Variants in MET observed in about 807,000 individuals in gnomAD.
MET encodes the protein hepatocyte growth factor receptor.
Under a neutral mutation model 133.1 loss-of-function variants are expected in MET, and 48 were observed. The observed-to-expected ratio is 0.36, with a 90% confidence interval of 0.29 to 0.46. The LOEUF (loss-of-function observed/expected upper bound fraction) is 0.46, where lower values mean the gene tolerates loss of function less well. Among genes scored for constraint, MET ranks in the 20% least tolerant of loss-of-function variants. The probability of loss-of-function intolerance (pLI) is 1.00; values close to 1 mark genes in which losing one functional copy is unlikely to be tolerated. For missense variants in MET, 1,442 were observed against 1,695.9 expected, an observed-to-expected ratio of 0.85 and a Z score of 2.63; for synonymous variants, 628 against 616.5, an observed-to-expected ratio of 1.02 and a Z score of -0.28.
chr7:116,692,993 A>T (rs755467912), intron 1 of MET, among the ~76,000 whole-genome samples: 2 of 152,232 alleles, frequency 1.3e-5, no homozygotes, highest in Non-Finnish European at 2.9e-5. Flanking sequence ...CCTGATCCAG[A>T]CACATCATGG....
At chr7:116,741,198 C>G in intron 5 of MET, 173 bp downstream of exon 5, 1 of 760,218 alleles carries the variant, frequency 1.3e-6, no homozygotes, top group East Asian at 2.8e-5. Flanking sequence ...CCATCTCTCT[C>G]TTGGCTTTAT....
rs1283841195 is a variant in MET, at chr7:116,789,785, A to G, written c.3799-5870A>G. Among the ~76,000 whole-genome samples the G allele has an allele frequency of 5.3e-5, 8 of 152,222 alleles. No homozygotes were observed. In the East Asian group the frequency reaches 1.3e-3, roughly 26 times the overall value. On this transcript the variant is annotated intron_variant, in intron 19 of 20. Coordinates refer to ENST00000397752, the MANE Select transcript of MET (RefSeq NM_000245.4). ...TCCTTTCTTATTGTGGCAAAAAAAT[A>G]CATAAAATTTACCATCTGAACGATT... is the stretch of plus-strand genomic sequence containing the variant.
chr7:116,759,617 A>T, intron 10 of MET, 127 bp downstream of exon 10: 1 of 1,057,870 alleles, frequency 9.5e-7, no homozygotes, highest in Non-Finnish European at 1.4e-6. Flanking sequence ...CTTGCAGTGT[A>T]GCCAAGTAGT....
intron 5 of MET, among the ~76,000 whole-genome samples, chr7:116,752,925 G>A (rs1239559354): frequency 6.6e-6 from 1 of 152,150 alleles, no homozygotes; most frequent in Non-Finnish European, 1.5e-5. Flanking sequence ...TCAGGCTGAA[G>A]AGAGTCCTGG....
intron 5 of MET, among the ~76,000 whole-genome samples, chr7:116,745,268 G>A (rs375285594): frequency 3.9e-3 from 597 of 151,238 alleles, no homozygotes; most frequent in Non-Finnish European, 6.3e-3. Context: ...CACTGCTCAA[G>A]GAAATAAAAG....
At chr7:116,674,100 A>G (rs1411439592) in intron 1 of MET, among the ~76,000 whole-genome samples, 2 of 152,338 alleles carry the variant, frequency 1.3e-5, no homozygotes, top group South Asian at 2.1e-4. Context: ...TGCTTTTAAC[A>G]TGATGGAATT....
chr7:116,790,134 G>A (rs979957551), intron 19 of MET, among the ~76,000 whole-genome samples: 1 of 152,138 alleles, frequency 6.6e-6, no homozygotes, highest in African/African-American at 2.4e-5. Context: ...ACATGATCTT[G>A]TTCCTTTTTA....
rs2116584031 is a variant in MET at position 116,699,338 on chromosome 7, A to G, written c.254A>G (p.Lys85Arg). 6.2e-7 allele frequency: 1 copy of G among 1,614,098 alleles called. No individual in the cohort carries two copies. Among genetic ancestry groups the G allele is most frequent in the Non-Finnish European group, 8.5e-7 (1 of 1,179,958 alleles). Residue 85 changes from lysine to arginine, a missense_variant, in exon 2 of 21, where the codon AAG (lysine) becomes AGG (arginine). Lys to Arg is a conservative substitution (Grantham distance 26). Coordinates refer to ENST00000397752, the MANE Select transcript of MET (RefSeq NM_000245.4). ...EEDLQKVAEY[K>R]TGPVLEHPDC... ...GACCTTCAGAAGGTTGCTGAGTACA[A>G]GACTGGGCCTGTGCTGGAACACCCA...
intron 1 of MET, among the ~76,000 whole-genome samples, chr7:116,683,510 T>C (rs1350342239): frequency 1.3e-5 from 2 of 152,226 alleles, no homozygotes; most frequent in Non-Finnish European, 2.9e-5. Context: ...CCTGATAGGA[T>C]CTTGAATACA....
At chr7:116,788,578 G>C (rs1346916475) in intron 19 of MET, among the ~76,000 whole-genome samples, 2 of 152,188 alleles carry the variant, frequency 1.3e-5, no homozygotes, top group Non-Finnish European at 2.9e-5. Context: ...CTGCAGATAG[G>C]ATGGTGCTAT....
intron 1 of MET, among the ~76,000 whole-genome samples, chr7:116,682,332 G>C (rs1796391515): frequency 1.3e-5 from 2 of 152,086 alleles, no homozygotes; most frequent in African/African-American, 4.8e-5. Context: ...ATCCCTAAAT[G>C]GGTTTTAATT....
At chr7:116,678,326 A>C (rs1250231374) in intron 1 of MET, among the ~76,000 whole-genome samples, 1 of 152,152 alleles carries the variant, frequency 6.6e-6, no homozygotes, top group African/African-American at 2.4e-5. Context: ...TACAGTATAC[A>C]TATTAAGATC....
At chr7:116,783,277 G>A (rs182437939) in intron 18 of MET, 27 bp from the exon 19 acceptor site, 13 of 1,613,654 alleles carry the variant, frequency 8.1e-6, no homozygotes, top group African/African-American at 4.0e-5. Context: ...TTTCAGCCAC[G>A]GGTAATAATT....
chr7:116,746,874 A>G (rs1356701074), intron 5 of MET, among the ~76,000 whole-genome samples: 3 of 152,150 alleles, frequency 2.0e-5, no homozygotes, highest in Non-Finnish European at 2.9e-5. Context: ...ACATGTATAC[A>G]TATGTAACAA....
rs2117110398 is a variant in MET, at chr7:116,795,889, A to G, written c.3938A>G (p.Tyr1313Cys). ...GCATGTCTTTCTTTTTGGAACAGATATGAAGTAATGCTAAAATGCTGGCAC... is the reference window on the plus strand; with the variant it reads ...GCATGTCTTTCTTTTTGGAACAGATGTGAAGTAATGCTAAAATGCTGGCAC... Reference protein sequence around the residue: ...LQPEYCPDPLYEVMLKCWHPK... With the variant: ...LQPEYCPDPLCEVMLKCWHPK... The change falls in exon 21 of 21, where the codon TAT becomes TGT. Residue 1313 changes from tyrosine to cysteine, a missense_variant and splice_region_variant. Around this residue, in one of 6 missense-constraint regions of MET, gnomAD observed 94 missense variants for 109.5 expected, o/e 0.86. Transcript: ENST00000397752. 6.2e-7 allele frequency: 1 copy of G among 1,614,206 alleles called. No individual in the cohort carries two copies.
At chr7:116,682,136 C>T (rs1049735599) in intron 1 of MET, among the ~76,000 whole-genome samples, 9 of 151,926 alleles carry the variant, frequency 5.9e-5, no homozygotes, top group Admixed American at 5.9e-4. Flanking sequence ...AAAGAACTTA[C>T]CAAAAAAAAA....
chr7:116,762,069 A>C (rs115628473), intron 10 of MET, among the ~76,000 whole-genome samples: 2,857 of 152,310 alleles, frequency 0.019, 90 homozygotes, highest in African/African-American at 0.066. Flanking sequence ...GTTTAGTCTA[A>C]GTACAATCAA....
Position 116,672,238 on chromosome 7 carries a change from G to T in MET, c.-354G>T, listed in dbSNP as rs1795998420. ...GGCAGGCGAGCGCCTCAGTCTGGTCGCCTGGCGGTGCCTCCGGCCCCAACG... is the reference window on the plus strand; with the variant it reads ...GGCAGGCGAGCGCCTCAGTCTGGTCTCCTGGCGGTGCCTCCGGCCCCAACG... On this transcript the variant is annotated 5_prime_UTR_variant, in exon 1 of 21. Coordinates refer to ENST00000397752, the MANE Select transcript of MET (RefSeq NM_000245.4). 6.6e-6 allele frequency among the ~76,000 whole-genome samples: 1 copy of T among 151,686 alleles called. No individual in the cohort carries two copies. The highest frequency in any genetic ancestry group is 2.4e-5 in the African/African-American group (1 of 41,390).
chr7:116,772,039 G>T, intron 14 of MET, 50 bp downstream of exon 14: 1 of 1,595,464 alleles, frequency 6.3e-7, no homozygotes, highest in Non-Finnish European at 8.6e-7. Context: ...ATACCTCAGT[G>T]GGTTGTGACA....
Sources: gnomAD v4.1 joint callset for allele counts (sites outside exome capture counted in the v4.1 genomes callset) on GRCh38, gnomAD v4.1.1 for gene constraint, gnomAD v4.1.1 regional missense constraint, MANE v1.5 for transcripts, NCBI Gene and HGNC (gene_info 2026-07-23, HGNC 2026-07-21) for gene names.